The following CTNND2 variants were observed in gnomAD, a reference collection of about 807,000 sequenced individuals.
The protein encoded by CTNND2 is catenin delta 2.
CTNND2 carries 22 observed loss-of-function variants against 144.4 expected under a neutral mutation model. The ratio of observed to expected loss-of-function variants is 0.15; its 90% CI spans 0.11 to 0.22. The LOEUF is 0.22. CTNND2 is among the 10% of genes least tolerant of loss of function. CTNND2 has a pLI of 1.00. For synonymous variants in CTNND2, 751 were observed against 695.6 expected (o/e 1.08, Z -1.25); for missense variants, 1,353 against 1,618.8 (o/e 0.84, Z 2.82).
chr5:11,315,900 T>C (rs1415344306), intron 9 of CTNND2, among the ~76,000 whole-genome samples: 4 of 152,310 alleles, frequency 2.6e-5, no homozygotes, highest in East Asian at 1.9e-4. Context: ...CACCAGTAGA[T>C]AGAAATCAAT....
At chr5:11,061,148 C>T (rs1399369013) in intron 16 of CTNND2, among the ~76,000 whole-genome samples, 1 of 152,044 alleles carries the variant, frequency 6.6e-6, no homozygotes, top group African/African-American at 2.4e-5. Flanking sequence ...TTGCCACTTA[C>T]GGCATTTTGT....
intron 1 of CTNND2, among the ~76,000 whole-genome samples, chr5:11,764,848 A>G (rs1789487825): frequency 6.6e-6 from 1 of 152,198 alleles, no homozygotes; most frequent in Admixed American, 6.5e-5. Flanking sequence ...AGTGTTACTG[A>G]GTAGCCAATA....
chr5:11,240,367 A>C (rs1580681772), intron 9 of CTNND2, among the ~76,000 whole-genome samples: 1 of 125,752 alleles, frequency 8.0e-6, no homozygotes, highest in Admixed American at 8.2e-5. Context: ...ATTCACACAC[A>C]CCCAACACAC....
chr5:11,024,629 T>C (rs1742628141), intron 16 of CTNND2, among the ~76,000 whole-genome samples: 1 of 152,200 alleles, frequency 6.6e-6, no homozygotes, highest in African/African-American at 2.4e-5. Flanking sequence ...AGTCATTGTA[T>C]ATACGGGGAC....
chr5:11,675,552 T>C (rs1784130953), intron 2 of CTNND2, among the ~76,000 whole-genome samples: 1 of 152,136 alleles, frequency 6.6e-6, no homozygotes, highest in Non-Finnish European at 1.5e-5. Flanking sequence ...TTTTTAACTC[T>C]TTTTAAATTT....
intron 5 of CTNND2, among the ~76,000 whole-genome samples, chr5:11,402,038 T>C (rs1374265386): frequency 6.6e-6 from 1 of 152,196 alleles, no homozygotes; most frequent in Non-Finnish European, 1.5e-5. Flanking sequence ...CACACATTAT[T>C]CATGCTTTCT....
intron 2 of CTNND2, among the ~76,000 whole-genome samples, chr5:11,642,511 G>GA (rs1782120471): frequency 6.6e-6 from 1 of 152,172 alleles, no homozygotes; most frequent in Non-Finnish European, 1.5e-5. Context: ...CAGAGGAAGA[G>GA]AAGGGCAAAG....
At chr5:11,492,509 G>A (rs201159819) in intron 3 of CTNND2, among the ~76,000 whole-genome samples, 139 of 101,596 alleles carry the variant, frequency 1.4e-3, no homozygotes, top group Non-Finnish European at 1.9e-3. Flanking sequence ...ATATATATGT[G>A]TGTGTGTGTG....
chr5:11,132,487 C>T (rs1213658857), intron 12 of CTNND2, among the ~76,000 whole-genome samples: 1 of 152,168 alleles, frequency 6.6e-6, no homozygotes, highest in Non-Finnish European at 1.5e-5. Context: ...ACTCTTTGCC[C>T]TCTTTCCGCT....
intron 1 of CTNND2, among the ~76,000 whole-genome samples, chr5:11,826,407 T>G (rs1481599148): frequency 6.6e-6 from 1 of 151,884 alleles, no homozygotes; most frequent in African/African-American, 2.4e-5. Context: ...GAAAACTCAA[T>G]TAATCCAAAA....
At chr5:11,273,129 A>G (rs1746188362) in intron 9 of CTNND2, among the ~76,000 whole-genome samples, 1 of 152,242 alleles carries the variant, frequency 6.6e-6, no homozygotes, top group South Asian at 2.1e-4. Context: ...CTCCTGTTAT[A>G]TAATTATCTA....
At chr5:11,122,594 G>A (rs1453829480) in intron 12 of CTNND2, among the ~76,000 whole-genome samples, 1 of 151,936 alleles carries the variant, frequency 6.6e-6, no homozygotes. Context: ...CCATCAGGTG[G>A]CCCAGCCCTT....
At chr5:11,083,271 G>A (rs950338060) in intron 15 of CTNND2, among the ~76,000 whole-genome samples, 67 of 152,330 alleles carry the variant, frequency 4.4e-4, no homozygotes, top group African/African-American at 1.6e-3. Context: ...AGACAGCTTT[G>A]AATTTGGAGA....
intron 11 of CTNND2, among the ~76,000 whole-genome samples, chr5:11,182,010 TGTGTGTGGC>T (rs144683835): frequency 0.42 from 50,798 of 120,226 alleles, 11,097 homozygotes; most frequent in African/African-American, 0.55. Context: ...GGTGTGTGGG[TGTGTGTGGC>T]GTGTGTGATG....
intron 1 of CTNND2, among the ~76,000 whole-genome samples, chr5:11,832,641 A>C (rs970774310): frequency 2.6e-5 from 4 of 152,078 alleles, no homozygotes; most frequent in Non-Finnish European, 4.4e-5. Flanking sequence ...AAAATGGATA[A>C]AATAAAACTA....
chr5:11,855,606 C>T (rs1472048599), intron 1 of CTNND2, among the ~76,000 whole-genome samples: 7 of 152,060 alleles, frequency 4.6e-5, no homozygotes, highest in Admixed American at 3.9e-4. Context: ...CAACTAAAAG[C>T]CACTTTTAAC....
At chr5:11,327,726 T>C (rs1009736997) in intron 9 of CTNND2, among the ~76,000 whole-genome samples, 7 of 152,172 alleles carry the variant, frequency 4.6e-5, no homozygotes, top group Non-Finnish European at 5.9e-5. Flanking sequence ...TGTTAAGAGA[T>C]GTTTCTGATG....
chr5:11,616,062 A>G (rs1372077191), intron 2 of CTNND2, among the ~76,000 whole-genome samples: 2 of 152,168 alleles, frequency 1.3e-5, no homozygotes, highest in East Asian at 1.9e-4. Flanking sequence ...TTGGTTTATG[A>G]CATTACATTT....
At chr5:11,587,905 T>C (rs1778978115) in intron 2 of CTNND2, among the ~76,000 whole-genome samples, 1 of 152,018 alleles carries the variant, frequency 6.6e-6, no homozygotes, top group Non-Finnish European at 1.5e-5. Context: ...CTTTAATCTG[T>C]TGGGTATCAC....
Sources: allele counts gnomAD v4.1 joint callset (sites outside exome capture counted in the v4.1 genomes callset), GRCh38; gene constraint gnomAD v4.1.1; transcripts MANE v1.5; gene names NCBI Gene and HGNC (gene_info 2026-07-23, HGNC 2026-07-21).